The following ACTN1 variants were observed in gnomAD, a reference collection of about 807,000 sequenced individuals.
ACTN1 encodes the protein alpha-actinin-1.
A neutral mutation model predicts 119.6 loss-of-function variants in ACTN1; 30 were observed. The ratio of observed to expected loss-of-function variants is 0.25; its 90% CI spans 0.19 to 0.34. The LOEUF is 0.34. Among genes scored for constraint, ACTN1 ranks in the 10% least tolerant of loss-of-function variants. The pLI, the probability that ACTN1 is intolerant of heterozygous loss-of-function variation, is 1.00. For missense variants in ACTN1, 764 were observed against 1,223.4 expected, an observed-to-expected ratio of 0.62 and a Z score of 5.60; for synonymous variants, 429 against 472.6, an observed-to-expected ratio of 0.91 and a Z score of 1.20.
intron 4 of ACTN1, among the ~76,000 whole-genome samples, chr14:68,911,530 T>C (rs995983710): frequency 1.3e-5 from 2 of 152,230 alleles, no homozygotes; most frequent in African/African-American, 2.4e-5. Context: ...TTCCTTTGAT[T>C]AAAAATGTTT....
chr14:68,951,080 T>G (rs1282399212), intron 1 of ACTN1, among the ~76,000 whole-genome samples: 1 of 152,198 alleles, frequency 6.6e-6, no homozygotes, highest in African/African-American at 2.4e-5. Flanking sequence ...GCAGGGCAGC[T>G]GGATAGCACA....
chr14:68,949,270 G>A (rs940977290), intron 1 of ACTN1, among the ~76,000 whole-genome samples: 2 of 152,204 alleles, frequency 1.3e-5, no homozygotes, highest in African/African-American at 4.8e-5. Flanking sequence ...CCTCCCCAGG[G>A]CTCCCAGAAG....
At position 68,902,464 on chromosome 14, in the gene ACTN1, G is replaced by A; in HGVS notation, c.762+13C>T. 1 of 1,612,994 alleles carries A rather than the reference G, an allele frequency of 6.2e-7. No individual in the cohort carries two copies. ...GTGTGCTGGGCATGGAAGGAGCAGG[G>A]GGCCCCGGGTACCTTCTGGGCTCCA... On this transcript the variant is annotated intron_variant, in intron 8 of 21. Coordinates refer to ENST00000394419, the MANE Select transcript of ACTN1 (RefSeq NM_001130004.2).
At chr14:68,916,336 C>T (rs1477221092) in intron 3 of ACTN1, among the ~76,000 whole-genome samples, 1 of 152,204 alleles carries the variant, frequency 6.6e-6, no homozygotes, top group East Asian at 1.9e-4. Flanking sequence ...TTGGAGTCCT[C>T]CCGGAGGGAC....
intron 11 of ACTN1, among the ~76,000 whole-genome samples, chr14:68,888,717 G>A (rs1594766013): frequency 3.3e-5 from 5 of 152,140 alleles, no homozygotes; most frequent in Admixed American, 2.0e-4. Flanking sequence ...CTCCTGTTGT[G>A]TCAGGGGCGG....
Position 68,882,401 on chromosome 14 carries a change from A to G in ACTN1, c.1953+57T>C, listed in dbSNP as rs1594755400. The stretch of plus-strand genomic sequence containing the variant: ...GAGACAGGCAGCCTGGCTGGCTAGG[A>G]TAGTGTCGGGGGGGAGGGGTGGGAG... On this transcript the variant is annotated intron_variant, in intron 16 of 21. Transcript: ENST00000394419. This position sits in a 1 kb window ranked among gnomAD's most constrained non-coding sequence, Gnocchi z 4.5. 13 of 1,430,768 alleles carry G rather than the reference A, an allele frequency of 9.1e-6. No homozygotes were observed. Among genetic ancestry groups the G allele is most frequent in the Non-Finnish European group, 1.2e-5 (13 of 1,045,486 alleles). 88.6% of individuals were successfully genotyped at this position (1,430,768 alleles called of 1,614,324 possible).
chr14:68,883,125 G>A, intron 14 of ACTN1, 70 bp from the exon 15 acceptor site: 1 of 1,513,580 alleles, frequency 6.6e-7, no homozygotes, highest in Non-Finnish European at 9.1e-7. Flanking sequence ...AAGGGCCATG[G>A]AGGTTGAGTT....
At chr14:68,912,809 G>C (rs758747997) in intron 3 of ACTN1, among the ~76,000 whole-genome samples, 1 of 152,150 alleles carries the variant, frequency 6.6e-6, no homozygotes, top group African/African-American at 2.4e-5. Flanking sequence ...ACAGAGAAGG[G>C]GGCATTTGAA....
intron 8 of ACTN1, among the ~76,000 whole-genome samples, chr14:68,900,306 C>T (rs2033224833): frequency 1.3e-5 from 2 of 152,062 alleles, no homozygotes; most frequent in African/African-American, 4.8e-5. Flanking sequence ...TTCAAATCTC[C>T]ATTGTCCACT....
chr14:68,897,824 G>T (rs1482233771), intron 8 of ACTN1, among the ~76,000 whole-genome samples: 1 of 152,236 alleles, frequency 6.6e-6, no homozygotes, highest in African/African-American at 2.4e-5. Context: ...GGGCCAGGGT[G>T]GGTGACCAGG....
chr14:68,953,809 C>A (rs529794797), intron 1 of ACTN1, among the ~76,000 whole-genome samples: 10 of 151,788 alleles, frequency 6.6e-5, no homozygotes, highest in African/African-American at 1.9e-4. Context: ...ATCACCTAAA[C>A]CCAGGAGGTG....
At chr14:68,877,297 A>C in intron 20 of ACTN1, 57 bp from the exon 21 acceptor site, 172 of 1,597,568 alleles carry the variant, frequency 1.1e-4, no homozygotes, top group Non-Finnish European at 1.3e-4. Flanking sequence ...GGAATATCTC[A>C]TATGGACTGA....
At chr14:68,906,073 G>GGC (rs1273070139) in intron 6 of ACTN1, among the ~76,000 whole-genome samples, 1 of 151,512 alleles carries the variant, frequency 6.6e-6, no homozygotes, top group African/African-American at 2.4e-5. Flanking sequence ...CAGAGGCCGG[G>GGC]GGGGCAGGAA....
intron 1 of ACTN1, among the ~76,000 whole-genome samples, chr14:68,965,153 A>G (rs560965725): frequency 1.3e-5 from 2 of 152,370 alleles, no homozygotes; most frequent in South Asian, 4.1e-4. Flanking sequence ...TAGCCCCACA[A>G]GGAATGAACT....
At chr14:68,966,642 C>G (rs574931875) in intron 1 of ACTN1, among the ~76,000 whole-genome samples, 1 of 152,298 alleles carries the variant, frequency 6.6e-6, no homozygotes, top group South Asian at 2.1e-4. Context: ...AGAAAGGGAG[C>G]AGGAGGCAGG....
intron 1 of ACTN1, among the ~76,000 whole-genome samples, chr14:68,946,057 C>T (rs891230504): frequency 5.3e-5 from 8 of 152,154 alleles, no homozygotes; most frequent in Non-Finnish European, 7.4e-5. Flanking sequence ...CGGTGGCAGT[C>T]ACACACTTTC....
intron 1 of ACTN1, among the ~76,000 whole-genome samples, chr14:68,958,338 C>T (rs142680503): frequency 1.3e-5 from 2 of 151,978 alleles, no homozygotes; most frequent in Non-Finnish European, 2.9e-5. Context: ...GGGGACTGTC[C>T]GAGGCTCAAA....
intron 1 of ACTN1, among the ~76,000 whole-genome samples, chr14:68,959,924 A>G (rs2036472536): frequency 6.6e-6 from 1 of 152,268 alleles, no homozygotes; most frequent in Non-Finnish European, 1.5e-5. Flanking sequence ...AGCCTTACCT[A>G]TAACATAAAC....
rs1014006293 is a variant in ACTN1 at position 68,979,270 on chromosome 14, G to A, written c.-214C>T. 1.5e-4 allele frequency: 61 copies of A among 410,270 alleles called. No homozygotes were observed. The highest frequency in any genetic ancestry group is 1.2e-3 in the African/African-American group (56 of 46,774). 25.4% of individuals were successfully genotyped at this position (410,270 alleles called of 1,614,324 possible). ...TGGGCTCGCGGACTGCCTGCCTCTG[G>A]GCGGGCGCTTGGACCTAATCTCCAC... On this transcript the variant is annotated 5_prime_UTR_variant, in exon 1 of 22. Transcript: ENST00000394419.
Sources: allele counts gnomAD v4.1 joint callset (sites outside exome capture counted in the v4.1 genomes callset), GRCh38; gene constraint gnomAD v4.1.1; non-coding constraint Gnocchi (gnomAD v3.1); transcripts MANE v1.5; gene names NCBI Gene and HGNC (gene_info 2026-07-23, HGNC 2026-07-21).